Variants in NELL1 observed in about 807,000 individuals in gnomAD.
NELL1 encodes the protein protein kinase C-binding protein NELL1.
A neutral mutation model predicts 107.4 loss-of-function variants in NELL1; 76 were observed. The ratio of observed to expected loss-of-function variants is 0.71; its 90% CI spans 0.59 to 0.86. The LOEUF (loss-of-function observed/expected upper bound fraction) is 0.86, where lower values mean the gene tolerates loss of function less well. NELL1 is among the 40% of genes least tolerant of loss of function. NELL1 has a pLI of 0.00. For missense variants in NELL1, 1,024 were observed against 1,005.5 expected, an observed-to-expected ratio of 1.02 and a Z score of -0.25; for synonymous variants, 353 against 341.2, an observed-to-expected ratio of 1.03 and a Z score of -0.38.
chr11:20,971,696 T>C (rs1235928264), intron 12 of NELL1, among the ~76,000 whole-genome samples: 1 of 152,330 alleles, frequency 6.6e-6, no homozygotes, highest in East Asian at 1.9e-4. Context: ...CCTGGCTTTA[T>C]CATTGTTTTG....
chr11:21,199,117 C>A (rs938868331), intron 13 of NELL1, among the ~76,000 whole-genome samples: 43 of 152,152 alleles, frequency 2.8e-4, no homozygotes, highest in African/African-American at 8.4e-4. Flanking sequence ...GAGGGCCATA[C>A]AATTATCATG....
intron 15 of NELL1, among the ~76,000 whole-genome samples, chr11:21,398,113 T>C (rs867512189): frequency 3.3e-5 from 5 of 151,698 alleles, no homozygotes; most frequent in Admixed American, 1.3e-4. Context: ...TTTTTTAACT[T>C]TGTTAATGAA....
At chr11:21,333,555 G>A (rs1850317905) in intron 14 of NELL1, among the ~76,000 whole-genome samples, 1 of 152,010 alleles carries the variant, frequency 6.6e-6, no homozygotes, top group Non-Finnish European at 1.5e-5. Flanking sequence ...CCATATGTAT[G>A]TATACACATA....
At chr11:20,986,882 A>G (rs954986829) in intron 12 of NELL1, among the ~76,000 whole-genome samples, 4 of 152,238 alleles carry the variant, frequency 2.6e-5, no homozygotes, top group Non-Finnish European at 4.4e-5. Flanking sequence ...CGTCAATTTT[A>G]TAATCTTCAC....
intron 12 of NELL1, among the ~76,000 whole-genome samples, chr11:20,984,504 G>C (rs117997921): frequency 1.4e-3 from 214 of 152,328 alleles, no homozygotes; most frequent in Middle Eastern, 3.4e-3. Context: ...GGGCTTGTCT[G>C]ATGTAATTCA....
chr11:20,859,495 T>C (rs78531599), intron 4 of NELL1, among the ~76,000 whole-genome samples: 2,241 of 152,338 alleles, frequency 0.015, 38 homozygotes, highest in African/African-American at 0.051. Flanking sequence ...ACATCACGAC[T>C]GACTGCAAAT....
chr11:21,058,251 T>G (rs1853657431), intron 12 of NELL1, among the ~76,000 whole-genome samples: 1 of 152,162 alleles, frequency 6.6e-6, no homozygotes, highest in Admixed American at 6.5e-5. Flanking sequence ...TTTTTAAAAT[T>G]AGAATACATT....
At chr11:20,755,863 CGGTTTTTTTTTT>C (rs1856267342) in intron 2 of NELL1, among the ~76,000 whole-genome samples, 1 of 120,348 alleles carries the variant, frequency 8.3e-6, no homozygotes. Context: ...GCCAGACCTG[CGGTTTTTTTTTT>C]TTTTTTTTTT....
In NELL1 at chr11:20,947,467, G is replaced by A. The variant is rs751450033; in HGVS notation, c.1171+32G>A. 72 of 1,505,764 alleles carry A rather than the reference G, an allele frequency of 4.8e-5. No homozygotes were observed. The South Asian group carries it at 8.0e-4, about 17-fold the overall frequency. 93.3% of individuals were successfully genotyped at this position (1,505,764 alleles called of 1,614,324 possible). ...GGGCTTGGTGGTGGGCCATGCGTGGGGTGAGGCTGGGGCTGGTCTTCTGGG... is the reference window on the plus strand; with the variant it reads ...GGGCTTGGTGGTGGGCCATGCGTGGAGTGAGGCTGGGGCTGGTCTTCTGGG... On this transcript the variant is annotated intron_variant, in intron 11 of 19. Transcript: ENST00000357134.
chr11:21,175,319 T>A (rs955887593), intron 13 of NELL1, among the ~76,000 whole-genome samples: 1 of 151,806 alleles, frequency 6.6e-6, no homozygotes, highest in Non-Finnish European at 1.5e-5. Flanking sequence ...TTCAATTTCA[T>A]GTTTGCTCTC....
At chr11:21,001,977 G>A (rs1359075681) in intron 12 of NELL1, among the ~76,000 whole-genome samples, 1 of 152,194 alleles carries the variant, frequency 6.6e-6, no homozygotes, top group Admixed American at 6.5e-5. Context: ...AAATGGCCCA[G>A]CCTTAGTACC....
chr11:21,568,293 G>C (rs1857018870), intron 17 of NELL1, among the ~76,000 whole-genome samples: 1 of 151,802 alleles, frequency 6.6e-6, no homozygotes, highest in South Asian at 2.1e-4. Context: ...TGGTATACCT[G>C]TATAGAACAC....
intron 12 of NELL1, among the ~76,000 whole-genome samples, chr11:20,979,216 G>A (rs1851700396): frequency 6.6e-6 from 1 of 152,092 alleles, no homozygotes; most frequent in South Asian, 2.1e-4. Context: ...ATTTAGTAAG[G>A]AGCTGAACAT....
intron 6 of NELL1, among the ~76,000 whole-genome samples, chr11:20,918,601 G>T (rs952175851): frequency 1.3e-5 from 2 of 152,006 alleles, no homozygotes; most frequent in African/African-American, 4.8e-5. Context: ...CATGGTGGCA[G>T]CCAAAGAGAA....
At chr11:20,956,792 C>T (rs905700877) in intron 11 of NELL1, among the ~76,000 whole-genome samples, 1 of 152,070 alleles carries the variant, frequency 6.6e-6, no homozygotes, top group East Asian at 1.9e-4. Flanking sequence ...TCTGTGAGAA[C>T]ACAGTATGTG....
intron 13 of NELL1, among the ~76,000 whole-genome samples, chr11:21,145,947 C>G (rs1291909440): frequency 6.6e-6 from 1 of 152,132 alleles, no homozygotes; most frequent in Non-Finnish European, 1.5e-5. Flanking sequence ...AGCCCAGGGC[C>G]TAGAACAAAG....
chr11:21,418,507 C>T (rs1184129860), intron 15 of NELL1, among the ~76,000 whole-genome samples: 1 of 151,126 alleles, frequency 6.6e-6, no homozygotes, highest in Non-Finnish European at 1.5e-5. Context: ...TTTGGGGTGG[C>T]AGAGTTCCAT....
intron 15 of NELL1, among the ~76,000 whole-genome samples, chr11:21,522,588 A>G (rs1855753268): frequency 1.3e-5 from 2 of 151,946 alleles, no homozygotes; most frequent in African/African-American, 2.4e-5. Flanking sequence ...GGGGAGGTGG[A>G]TGATGAGAAA....
chr11:20,756,640 C>T (rs1459047360), intron 2 of NELL1, among the ~76,000 whole-genome samples: 1 of 148,820 alleles, frequency 6.7e-6, no homozygotes, highest in African/African-American at 2.5e-5. Context: ...GGATTACAGG[C>T]GTGAGCCACC....
Sources: gnomAD v4.1 joint callset for allele counts (sites outside exome capture counted in the v4.1 genomes callset) on GRCh38, gnomAD v4.1.1 for gene constraint, MANE v1.5 for transcripts, NCBI Gene and HGNC (gene_info 2026-07-23, HGNC 2026-07-21) for gene names.